ANKS1B: variants seen among roughly 807,000 people sequenced by gnomAD.
The protein encoded by ANKS1B is ankyrin repeat and sterile alpha motif domain containing 1B.
In ANKS1B, 36 loss-of-function variants were observed where a neutral mutation model predicts 148.3. The observed-to-expected ratio is 0.24, with a 90% confidence interval of 0.19 to 0.32. ANKS1B has a LOEUF of 0.32. ANKS1B is among the 10% of genes least tolerant of loss of function. The probability of loss-of-function intolerance (pLI) is 1.00; values close to 1 mark genes in which losing one functional copy is unlikely to be tolerated. For missense variants in ANKS1B, 1,157 were observed against 1,542.6 expected (o/e 0.75, Z 4.19); for synonymous variants, 542 against 560.8 (o/e 0.97, Z 0.47).
chr12:98,882,874 T>C (rs1432187458), intron 17 of ANKS1B, among the ~76,000 whole-genome samples: 3 of 152,314 alleles, frequency 2.0e-5, no homozygotes, highest in Non-Finnish European at 2.9e-5. Flanking sequence ...TTTAGATGCA[T>C]TTATGGCCTT....
At chr12:99,506,654 G>A (rs1056201959) in intron 9 of ANKS1B, among the ~76,000 whole-genome samples, 2 of 151,938 alleles carry the variant, frequency 1.3e-5, no homozygotes, top group Non-Finnish European at 2.9e-5. Flanking sequence ...ATGGAGAAAA[G>A]TTGATGTGGT....
intron 10 of ANKS1B, among the ~76,000 whole-genome samples, chr12:99,494,650 G>A (rs2096585941): frequency 6.8e-6 from 1 of 146,440 alleles, no homozygotes; most frequent in Non-Finnish European, 1.5e-5. Flanking sequence ...GGAGGATGGG[G>A]TGAACCTGGG....
chr12:99,709,711 G>A (rs1180314187), intron 8 of ANKS1B, among the ~76,000 whole-genome samples: 3 of 151,904 alleles, frequency 2.0e-5, no homozygotes, highest in Non-Finnish European at 2.9e-5. Flanking sequence ...AAGAGCTCTG[G>A]GGAAAAAAGG....
At chr12:99,233,181 T>A (rs1009254559) in intron 14 of ANKS1B, among the ~76,000 whole-genome samples, 4 of 152,162 alleles carry the variant, frequency 2.6e-5, no homozygotes, top group African/African-American at 9.6e-5. Flanking sequence ...ATTATATATA[T>A]GCAAACATTC....
At chr12:99,321,427 G>A (rs1043129501) in intron 12 of ANKS1B, among the ~76,000 whole-genome samples, 13 of 152,194 alleles carry the variant, frequency 8.5e-5, no homozygotes, top group East Asian at 5.8e-4. Flanking sequence ...CCCCAGCCTC[G>A]CTGCCGCCTT....
intron 15 of ANKS1B, among the ~76,000 whole-genome samples, chr12:99,137,068 T>C (rs1365109845): frequency 6.6e-6 from 1 of 152,184 alleles, no homozygotes; most frequent in Non-Finnish European, 1.5e-5. Flanking sequence ...CCCTATTTAG[T>C]GCTGTCATTG....
intron 8 of ANKS1B, among the ~76,000 whole-genome samples, chr12:99,666,194 C>T (rs2098505929): frequency 6.6e-6 from 1 of 152,268 alleles, no homozygotes; most frequent in South Asian, 2.1e-4. Context: ...TATGTGAATA[C>T]CACATTGATA....
At chr12:99,522,747 A>T (rs896808518) in intron 9 of ANKS1B, among the ~76,000 whole-genome samples, 4 of 152,232 alleles carry the variant, frequency 2.6e-5, no homozygotes, top group African/African-American at 9.6e-5. Flanking sequence ...AAAGAAATTA[A>T]TGTGACATTA....
At chr12:99,806,874 A>C in intron 3 of ANKS1B, among the ~76,000 whole-genome samples, 174 bp from the exon 4 acceptor site, 1 of 141,968 alleles carries the variant, frequency 7.0e-6, no homozygotes, top group African/African-American at 2.6e-5. Context: ...GATTCATTGA[A>C]TCAAAAAAAA....
chr12:99,971,039 T>G (rs1445595135), intron 1 of ANKS1B, among the ~76,000 whole-genome samples: 2 of 152,206 alleles, frequency 1.3e-5, no homozygotes, highest in African/African-American at 2.4e-5. Context: ...TTTTTTGTTA[T>G]CACTGTTCTT....
intron 17 of ANKS1B, among the ~76,000 whole-genome samples, chr12:99,046,817 G>GAA (rs1166635437): frequency 5.0e-4 from 10 of 20,064 alleles, no homozygotes; most frequent in African/African-American, 9.9e-4. Context: ...TAAAAAAAAA[G>GAA]AAAAAAAAAA....
At chr12:99,064,552 A>C (rs572578841) in intron 16 of ANKS1B, among the ~76,000 whole-genome samples, 2 of 152,366 alleles carry the variant, frequency 1.3e-5, no homozygotes, top group South Asian at 4.1e-4. Context: ...AGTTCTATAA[A>C]GCATCCTTGG....
At chr12:98,855,155 G>C (rs1290439293) in intron 17 of ANKS1B, among the ~76,000 whole-genome samples, 1 of 134,882 alleles carries the variant, frequency 7.4e-6, no homozygotes, top group East Asian at 2.0e-4. Context: ...GACAGAGCGA[G>C]ACTCCGTCTC....
intron 14 of ANKS1B, among the ~76,000 whole-genome samples, chr12:99,218,408 A>C (rs745745664): frequency 5.9e-5 from 9 of 152,172 alleles, no homozygotes; most frequent in Non-Finnish European, 1.3e-4. Flanking sequence ...TTCTTTGCTA[A>C]GTGGCTGCCA....
chr12:98,927,556 T>A lies in ANKS1B; in HGVS notation c.2779-95420A>T, dbSNP rs184791797. Reference sequence around the variant, plus strand: ...GGCTTATAATTTATAAATATATACTTTTTTAATTGAAATTTTTTTCTTTTA... The same window carrying A: ...GGCTTATAATTTATAAATATATACTATTTTAATTGAAATTTTTTTCTTTTA... On this transcript the variant is annotated intron_variant, in intron 17 of 26. Transcript: ENST00000683438. Among the ~76,000 whole-genome samples the A allele has an allele frequency of 6.3e-3, 951 of 152,154 alleles. 3 individuals carry two copies. The highest frequency in any genetic ancestry group is 9.9e-3 in the Non-Finnish European group (675 of 67,940).
chr12:99,729,946 G>A (rs996542293), intron 8 of ANKS1B, among the ~76,000 whole-genome samples: 2 of 152,158 alleles, frequency 1.3e-5, no homozygotes, highest in Non-Finnish European at 2.9e-5. Flanking sequence ...ACACAAATAT[G>A]ACTATTTTCC....
At chr12:99,136,063 A>C (rs984346402) in intron 15 of ANKS1B, among the ~76,000 whole-genome samples, 2 of 152,206 alleles carry the variant, frequency 1.3e-5, no homozygotes, top group Non-Finnish European at 2.9e-5. Flanking sequence ...AGATGAAGGA[A>C]AAGTAATCAG....
intron 17 of ANKS1B, among the ~76,000 whole-genome samples, chr12:99,006,006 C>G (rs2099935953): frequency 6.6e-6 from 1 of 152,178 alleles, no homozygotes; most frequent in African/African-American, 2.4e-5. Context: ...TCTCTTCTAA[C>G]CCCTTCAAGC....
intron 9 of ANKS1B, among the ~76,000 whole-genome samples, chr12:99,645,539 T>G (rs2098353514): frequency 6.6e-6 from 1 of 152,114 alleles, no homozygotes; most frequent in South Asian, 2.1e-4. Flanking sequence ...GAGGTTAAAT[T>G]ATTAACCCAA....
Sources: allele counts gnomAD v4.1 joint callset (sites outside exome capture counted in the v4.1 genomes callset), GRCh38; gene constraint gnomAD v4.1.1; transcripts MANE v1.5; gene names NCBI Gene and HGNC (gene_info 2026-07-23, HGNC 2026-07-21).